MACC1: variants seen among roughly 807,000 people sequenced by gnomAD.
MACC1 encodes metastasis-associated in colon cancer protein 1.
Under a neutral mutation model 70.7 loss-of-function variants are expected in MACC1, and 79 were observed. That is an observed-to-expected ratio of 1.12 (90% confidence interval 0.93 to 1.35). The LOEUF (loss-of-function observed/expected upper bound fraction) is 1.35, where lower values mean the gene tolerates loss of function less well. Among genes scored for constraint, MACC1 ranks in the 40% most tolerant of loss-of-function variants. MACC1 has a pLI of 0.00. For missense variants in MACC1, 1,106 were observed against 978.1 expected, an observed-to-expected ratio of 1.13 and a Z score of -1.74; for synonymous variants, 361 against 347.2, an observed-to-expected ratio of 1.04 and a Z score of -0.44.
intron 1 of MACC1, among the ~76,000 whole-genome samples, chr7:20,196,969 AG>A (rs1239830845): frequency 4.6e-5 from 7 of 152,188 alleles, no homozygotes; most frequent in African/African-American, 1.7e-4. Context: ...AGTCAATTTT[AG>A]TCATTGTCTT....
rs765586553 is a variant in MACC1, at chr7:20,158,520, A to G, written c.1841T>C (p.Val614Ala). The part of the protein sequence containing the change: ...GKIGLVHCKN[V>A]KVISKEQVMF... ...TACTTGCTCCTTTGAAATCACCTTG[A>G]CATTTTTGCAGTGTACAAGTCCAAT... is the stretch of plus-strand genomic sequence containing the variant. The change falls in exon 5 of 7, where the codon GTC becomes GCC. Residue 614 changes from valine to alanine, a missense_variant. Coordinates refer to ENST00000400331, the MANE Select transcript of MACC1 (RefSeq NM_182762.4). 1 of 1,614,132 alleles carries G rather than the reference A, an allele frequency of 6.2e-7. No homozygotes were observed. The highest frequency in any genetic ancestry group is 1.7e-5 in the Admixed American group (1 of 60,002).
At chr7:20,208,357 A>G (rs1361762933) in intron 1 of MACC1, among the ~76,000 whole-genome samples, 2 of 152,242 alleles carry the variant, frequency 1.3e-5, no homozygotes, top group Non-Finnish European at 2.9e-5. Context: ...GGAACGTCTT[A>G]GAGACTTGCT....
chr7:20,193,782 C>CTT (rs66625746), intron 1 of MACC1, among the ~76,000 whole-genome samples: 27,967 of 142,376 alleles, frequency 0.2, 3,160 homozygotes, highest in South Asian at 0.26. Flanking sequence ...TCTATTCCTT[C>CTT]TTTTTTTTTT....
chr7:20,156,478 T>TA (rs1198812378), intron 5 of MACC1, among the ~76,000 whole-genome samples: 1 of 152,112 alleles, frequency 6.6e-6, no homozygotes, highest in Non-Finnish European at 1.5e-5. Context: ...TTTAGGCCAC[T>TA]AAAAAAACAA....
chr7:20,215,698 A>G (rs1287227223), intron 1 of MACC1, among the ~76,000 whole-genome samples: 1 of 152,238 alleles, frequency 6.6e-6, no homozygotes, highest in Non-Finnish European at 1.5e-5. Flanking sequence ...GTCTTTCAAG[A>G]AAGAATTCTC....
intron 2 of MACC1, among the ~76,000 whole-genome samples, chr7:20,164,725 T>A (rs1317394633): frequency 6.6e-6 from 1 of 152,214 alleles, no homozygotes; most frequent in African/African-American, 2.4e-5. Context: ...TAAAAGTTTT[T>A]AGCACAGAAT....
At position 20,159,715 on chromosome 7, in the gene MACC1, A is replaced by T. The variant is rs377435806; in HGVS notation, c.646T>A (p.Cys216Ser). The change falls in exon 5 of 7, where the codon TGC (cysteine) becomes AGC (serine). Residue 216 changes from cysteine (C) to serine (S), a missense_variant. By Grantham distance (112) the Cys-to-Ser change is moderately radical. Transcript: ENST00000400331. ...QTQLAEVTIA[C>S]KVNHQGGSVQ... ...GACCCTCCTTGATGGTTTACTTTGC[A>T]AGCTATGGTGACCTCCGCAAGTTGT... is the stretch of plus-strand genomic sequence containing the variant. 140 of 1,614,046 alleles carry T rather than the reference A, an allele frequency of 8.7e-5. No homozygotes were observed. In the Middle Eastern group the frequency reaches 2.3e-3, roughly 27 times the overall value.
intron 6 of MACC1, among the ~76,000 whole-genome samples, chr7:20,145,058 C>G (rs1249188420): frequency 6.6e-6 from 1 of 152,162 alleles, no homozygotes; most frequent in Non-Finnish European, 1.5e-5. Context: ...TGTTCCACAA[C>G]TCCAGTGACA....
intron 6 of MACC1, among the ~76,000 whole-genome samples, chr7:20,152,726 C>T (rs1363335690): frequency 6.6e-6 from 1 of 152,088 alleles, no homozygotes; most frequent in Non-Finnish European, 1.5e-5. Flanking sequence ...GTTTGCTGGC[C>T]TCCATCAAGA....
intron 5 of MACC1, among the ~76,000 whole-genome samples, chr7:20,155,728 C>A (rs111649781): frequency 3.3e-5 from 5 of 152,250 alleles, no homozygotes; most frequent in African/African-American, 1.2e-4. Flanking sequence ...GAAGGACTAC[C>A]CATGGTTTTG....
In MACC1 at chr7:20,196,568, G is replaced by A. The variant is rs559476395; in HGVS notation, c.-218+20731C>T. 2.0e-5 allele frequency among the ~76,000 whole-genome samples: 3 copies of A among 152,022 alleles called. No individual in the cohort carries two copies. In the South Asian group the frequency reaches 6.2e-4, roughly 32 times the overall value. On this transcript the variant is annotated intron_variant, in intron 1 of 6. Coordinates refer to ENST00000400331, the MANE Select transcript of MACC1 (RefSeq NM_182762.4). Reference sequence around the variant, plus strand: ...ATAGTGTATAAATTTATAACAATGGGCCGGGTGCGGCCGGCCCATTTTATA... The same window carrying A: ...ATAGTGTATAAATTTATAACAATGGACCGGGTGCGGCCGGCCCATTTTATA...
intron 6 of MACC1, among the ~76,000 whole-genome samples, chr7:20,148,249 A>G (rs1401898954): frequency 6.6e-6 from 1 of 152,220 alleles, no homozygotes; most frequent in African/African-American, 2.4e-5. Context: ...GGCACACACC[A>G]AGTGCTCAAT....
intron 1 of MACC1, among the ~76,000 whole-genome samples, chr7:20,196,098 T>A (rs1191994059): frequency 1.3e-5 from 2 of 152,200 alleles, no homozygotes; most frequent in Non-Finnish European, 2.9e-5. Context: ...AATGAGGGTT[T>A]GTTCAATCTG....
chr7:20,182,904 T>G (rs1280789640), intron 1 of MACC1, among the ~76,000 whole-genome samples: 1 of 152,188 alleles, frequency 6.6e-6, no homozygotes, highest in East Asian at 1.9e-4. Flanking sequence ...AAAAACAAAT[T>G]AAACTGTAGA....
At chr7:20,187,020 C>A (rs951181318) in intron 1 of MACC1, among the ~76,000 whole-genome samples, 1 of 152,008 alleles carries the variant, frequency 6.6e-6, no homozygotes, top group Non-Finnish European at 1.5e-5. Context: ...TAAAGGAAGT[C>A]CCTAACTTAC....
rs761905448 is a variant in MACC1, at chr7:20,159,536, G to C, written c.825C>G (p.Ile275Met). ...CCATTGTATTGAGGTTGCCTAACAT[G>C]ATTTCCAACAACGGGCTCACAGTGC... ...LSCTVSPLLE[I>M]MLGNLNTMEA... Residue 275 changes from isoleucine to methionine, a missense_variant, in exon 5 of 7, where the codon ATC becomes ATG. Ile to Met is a conservative substitution (Grantham distance 10, BLOSUM62 1). Transcript: ENST00000400331. The C allele has an allele frequency of 3.7e-6, 6 of 1,614,112 alleles. No individual in the cohort carries two copies. The Middle Eastern group carries it at 8.2e-4, about 222-fold the overall frequency.
intron 6 of MACC1, among the ~76,000 whole-genome samples, chr7:20,151,131 A>T (rs542900286): frequency 6.6e-6 from 1 of 152,224 alleles, no homozygotes; most frequent in Non-Finnish European, 1.5e-5. Context: ...CAAGATAAAA[A>T]TGGCATAATC....
At chr7:20,157,116 C>G (rs997778849) in intron 5 of MACC1, among the ~76,000 whole-genome samples, 3 of 152,162 alleles carry the variant, frequency 2.0e-5, no homozygotes, top group African/African-American at 7.2e-5. Flanking sequence ...CTTTTTAAGA[C>G]TTGGTTTCTT....
chr7:20,149,480 T>C (rs1457546253), intron 6 of MACC1, among the ~76,000 whole-genome samples: 1 of 152,194 alleles, frequency 6.6e-6, no homozygotes, highest in Admixed American at 6.5e-5. Context: ...AGTATTATTC[T>C]CCTTACTTCA....
Sources: gnomAD v4.1 joint callset for allele counts (sites outside exome capture counted in the v4.1 genomes callset) on GRCh38, gnomAD v4.1.1 for gene constraint, MANE v1.5 for transcripts, NCBI Gene and HGNC (gene_info 2026-07-23, HGNC 2026-07-21) for gene names.